Variants in SLC24A2 observed in about 807,000 individuals in gnomAD.
SLC24A2 encodes solute carrier family 24 member 2.
Under a neutral mutation model 62.0 loss-of-function variants are expected in SLC24A2, and 36 were observed. The observed-to-expected ratio is 0.58, with a 90% confidence interval of 0.44 to 0.77. The LOEUF is 0.77. SLC24A2 is among the 30% of genes least tolerant of loss of function. The pLI, the probability that SLC24A2 is intolerant of heterozygous loss-of-function variation, is 0.00. For synonymous variants in SLC24A2, 358 were observed against 294.0 expected, an observed-to-expected ratio of 1.22 and a Z score of -2.23; for missense variants, 846 against 817.9, an observed-to-expected ratio of 1.03 and a Z score of -0.42.
At chr9:19,901,018 G>C in the SLC24A2 span, among the ~76,000 whole-genome samples, 138 of 152,320 alleles carry the variant, frequency 9.1e-4, 1 homozygote, top group South Asian at 1.4e-3. Context: ...CTGAATTTCA[G>C]CATTCTTTTT....
At chr9:19,779,262 T>G (rs1054108755) in intron 2 of SLC24A2, among the ~76,000 whole-genome samples, 4 of 152,180 alleles carry the variant, frequency 2.6e-5, no homozygotes, top group African/African-American at 4.8e-5. Flanking sequence ...GGAAGCCTAA[T>G]GAGTCACAAA....
At chr9:19,874,114 C>G in the SLC24A2 span, among the ~76,000 whole-genome samples, 2 of 118,988 alleles carry the variant, frequency 1.7e-5, no homozygotes, top group African/African-American at 3.2e-5. Context: ...GAGTCTGGCT[C>G]TGTTGCCCAG....
rs1000293491 is a variant in SLC24A2 at position 19,530,688 on chromosome 9, T to C, written c.1480-2550A>G. On this transcript the variant is annotated intron_variant, in intron 8 of 10. Coordinates refer to ENST00000341998, the MANE Select transcript of SLC24A2 (RefSeq NM_020344.4). ...ACTAGGGAAAACCTCTCTAAATCAA[T>C]ATTTGATGCCCATGATTCTTAATCA... Among the ~76,000 whole-genome samples the C allele has an allele frequency of 3.3e-5, 5 of 152,328 alleles. No individual in the cohort carries two copies. In the South Asian group the frequency reaches 1.0e-3, roughly 32 times the overall value.
the SLC24A2 span, among the ~76,000 whole-genome samples, chr9:19,940,647 G>A: frequency 6.6e-6 from 1 of 152,138 alleles, no homozygotes; most frequent in South Asian, 2.1e-4. Context: ...TACTATGTCA[G>A]TGAGTTTATA....
intron 2 of SLC24A2, among the ~76,000 whole-genome samples, chr9:19,703,507 A>C (rs992630722): frequency 1.3e-5 from 2 of 152,232 alleles, no homozygotes; most frequent in African/African-American, 4.8e-5. Flanking sequence ...ATCAAGAGAA[A>C]GTAGGAAAGT....
chr9:20,143,836 T>C, the SLC24A2 span, among the ~76,000 whole-genome samples: 2 of 152,228 alleles, frequency 1.3e-5, no homozygotes. Context: ...ATCATCAAAA[T>C]GTCAATATTT....
chr9:20,103,372 C>T, the SLC24A2 span, among the ~76,000 whole-genome samples: 4 of 152,258 alleles, frequency 2.6e-5, no homozygotes, highest in Admixed American at 6.5e-5. Flanking sequence ...AGCTGGAGAT[C>T]TGAGAACAGG....
the SLC24A2 span, among the ~76,000 whole-genome samples, chr9:20,111,316 C>G: frequency 6.6e-6 from 1 of 152,190 alleles, no homozygotes; most frequent in Non-Finnish European, 1.5e-5. Flanking sequence ...AATGCCCAGG[C>G]TTTGCTGTCA....
the SLC24A2 span, among the ~76,000 whole-genome samples, chr9:20,083,249 G>A: frequency 6.6e-6 from 1 of 152,198 alleles, no homozygotes; most frequent in Non-Finnish European, 1.5e-5. Context: ...TCTCAGCCTA[G>A]CTACTTGCTC....
chr9:20,209,319 A>G, the SLC24A2 span, among the ~76,000 whole-genome samples: 1 of 152,226 alleles, frequency 6.6e-6, no homozygotes, highest in East Asian at 1.9e-4. Flanking sequence ...CTTCTTGCAG[A>G]TAACATTCAT....
At chr9:19,579,659 C>A (rs574376422) in intron 5 of SLC24A2, among the ~76,000 whole-genome samples, 2 of 152,054 alleles carry the variant, frequency 1.3e-5, no homozygotes, top group African/African-American at 4.8e-5. Flanking sequence ...CATTCAGAAG[C>A]GGCAACAAAT....
At chr9:19,883,406 G>A in the SLC24A2 span, among the ~76,000 whole-genome samples, 43 of 152,220 alleles carry the variant, frequency 2.8e-4, no homozygotes, top group Admixed American at 1.2e-3. Context: ...TGTATTGTAA[G>A]CAATTAAAAT....
the SLC24A2 span, among the ~76,000 whole-genome samples, chr9:20,069,053 CTT>C: frequency 0.43 from 65,636 of 151,718 alleles, 14,782 homozygotes; most frequent in East Asian, 0.7. Flanking sequence ...CAAAACTACT[CTT>C]GTTTTTCCTA....
At chr9:20,099,402 T>A in the SLC24A2 span, among the ~76,000 whole-genome samples, 1 of 152,204 alleles carries the variant, frequency 6.6e-6, no homozygotes, top group African/African-American at 2.4e-5. Flanking sequence ...TTTTCTGAAC[T>A]GAAATCTGCT....
At chr9:19,562,791 A>C (rs909480919) in intron 7 of SLC24A2, among the ~76,000 whole-genome samples, 1 of 152,140 alleles carries the variant, frequency 6.6e-6, no homozygotes, top group African/African-American at 2.4e-5. Flanking sequence ...CATAGTTCTA[A>C]TACTGTTCAG....
chr9:19,909,583 A>G, the SLC24A2 span, among the ~76,000 whole-genome samples: 1 of 152,124 alleles, frequency 6.6e-6, no homozygotes, highest in Non-Finnish European at 1.5e-5. Flanking sequence ...GACTAGGAAT[A>G]TATGAGGGAA....
At chr9:19,686,726 T>G (rs1398785709) in intron 2 of SLC24A2, among the ~76,000 whole-genome samples, 1 of 152,142 alleles carries the variant, frequency 6.6e-6, no homozygotes, top group Non-Finnish European at 1.5e-5. Flanking sequence ...TTCCAAGGCC[T>G]CCCCAGCCAT....
chr9:19,915,910 T>C, the SLC24A2 span, among the ~76,000 whole-genome samples: 1 of 152,066 alleles, frequency 6.6e-6, no homozygotes, highest in Non-Finnish European at 1.5e-5. Context: ...CTTTTATACA[T>C]AGAAGGTTTT....
At chr9:19,608,825 C>T (rs1452233335) in intron 4 of SLC24A2, among the ~76,000 whole-genome samples, 3 of 152,064 alleles carry the variant, frequency 2.0e-5, no homozygotes, top group Admixed American at 6.6e-5. Context: ...CATAGACACT[C>T]GCACATACCT....
Sources: allele counts gnomAD v4.1 joint callset (sites outside exome capture counted in the v4.1 genomes callset), GRCh38; gene constraint gnomAD v4.1.1; transcripts MANE v1.5; gene names NCBI Gene and HGNC (gene_info 2026-07-23, HGNC 2026-07-21).